The following ZC3H15 variants were observed in gnomAD, a reference collection of about 807,000 sequenced individuals.
The protein encoded by ZC3H15 is zinc finger CCCH domain-containing protein 15.
ZC3H15 carries 15 observed loss-of-function variants against 51.2 expected under a neutral mutation model. That is an observed-to-expected ratio of 0.29 (90% CI 0.20 to 0.45). The LOEUF is 0.45. Among genes scored for constraint, ZC3H15 ranks in the 20% least tolerant of loss-of-function variants. The pLI is 1.00. For synonymous variants in ZC3H15, 144 were observed against 162.8 expected (o/e 0.88, Z 0.88); for missense variants, 381 against 494.7 (o/e 0.77, Z 2.18).
At chr2:186,500,397 C>A in intron 3 of ZC3H15, 104 bp downstream of exon 3, 1 of 1,010,240 alleles carries the variant, frequency 9.9e-7, no homozygotes, top group Non-Finnish European at 1.5e-6. Flanking sequence ...ACAGTTATGT[C>A]TGAATGAAAA....
chr2:186,501,049 A>G (rs1685374495), intron 3 of ZC3H15, among the ~76,000 whole-genome samples: 1 of 152,098 alleles, frequency 6.6e-6, no homozygotes, highest in South Asian at 2.1e-4. Context: ...TTGGTTTCCC[A>G]CTCTCTGCCA....
At chr2:186,501,849 C>G (rs1685390301) in intron 4 of ZC3H15, among the ~76,000 whole-genome samples, 1 of 151,832 alleles carries the variant, frequency 6.6e-6, no homozygotes, top group Admixed American at 6.6e-5. Context: ...GTAGCTGGGT[C>G]TACAGGGTCG....
chr2:186,500,476 G>T lies in ZC3H15; in HGVS notation c.289+183G>T, dbSNP rs16827929. On this transcript the variant is annotated intron_variant, in intron 3 of 9. Transcript: ENST00000337859. Reference sequence around the variant, plus strand: ...TTCCTCTGTATATGTTCACATCTGTGTCATTGTACAGCTGAACTGCAGCCA... The same window carrying T: ...TTCCTCTGTATATGTTCACATCTGTTTCATTGTACAGCTGAACTGCAGCCA... Among the ~76,000 whole-genome samples, 554 of 152,230 alleles carry T rather than the reference G, an allele frequency of 3.6e-3. 2 individuals carry two copies. The highest frequency in any genetic ancestry group is 0.013 in the African/African-American group (524 of 41,534).
chr2:186,501,465 A>G (rs758345102), intron 4 of ZC3H15, 40 bp downstream of exon 4: 30 of 1,554,430 alleles, frequency 1.9e-5, no homozygotes, highest in Non-Finnish European at 2.5e-5. Flanking sequence ...ATAAATGTTG[A>G]ATACTTTCGG....
chr2:186,491,459 G>T (rs1166976741), intron 1 of ZC3H15, among the ~76,000 whole-genome samples: 1 of 152,116 alleles, frequency 6.6e-6, no homozygotes, highest in Non-Finnish European at 1.5e-5. Context: ...TTACTAACCT[G>T]GCAAGTAACT....
In ZC3H15 at chr2:186,505,742, C is replaced by G. The variant is rs376539999; in HGVS notation, c.867C>G (p.Ile289Met). Residue 289 changes from isoleucine to methionine, a missense_variant and splice_region_variant, in exon 8 of 10, where the codon ATC (isoleucine) becomes ATG (methionine). Ile to Met is a conservative substitution (Grantham distance 10). Coordinates refer to ENST00000337859, the MANE Select transcript of ZC3H15 (RefSeq NM_018471.3). ...GATATATTTGTGTGTCTCAATAGAT[C>G]AGTGGTCGTGAAGTGTTTGAATTTC... The part of the protein sequence containing the change: ...ADFKAGKALV[I>M]SGREVFEFRP... 1.2e-5 allele frequency: 20 copies of G among 1,613,800 alleles called. No individual in the cohort carries two copies. Among genetic ancestry groups the G allele is most frequent in the Non-Finnish European group, 1.6e-5 (19 of 1,179,918 alleles).
At chr2:186,500,950 G>T (rs1432903878) in intron 3 of ZC3H15, among the ~76,000 whole-genome samples, 1 of 152,138 alleles carries the variant, frequency 6.6e-6, no homozygotes, top group African/African-American at 2.4e-5. Context: ...TGGAATTACA[G>T]GTGTGAGCCA....
intron 9 of ZC3H15, 111 bp downstream of exon 9, chr2:186,506,947 T>G (rs181021920): frequency 8.3e-7 from 1 of 1,198,110 alleles, no homozygotes; most frequent in South Asian, 1.7e-5. Flanking sequence ...GTAACATAAA[T>G]GTGTGGTTTG....
intron 6 of ZC3H15, chr2:186,504,989 T>C (rs1301701415): frequency 1.3e-5 from 2 of 152,674 alleles, no homozygotes; most frequent in African/African-American, 4.8e-5. Flanking sequence ...GTAAAGCATT[T>C]AATACCTGGC....
At chr2:186,490,190 G>A (rs376868464) in intron 1 of ZC3H15, among the ~76,000 whole-genome samples, 15 of 152,154 alleles carry the variant, frequency 9.9e-5, no homozygotes, top group African/African-American at 3.6e-4. Flanking sequence ...ATGTCAAACA[G>A]GATTATGGTT....
At chr2:186,498,290 T>G (rs1685316111) in intron 2 of ZC3H15, among the ~76,000 whole-genome samples, 1 of 152,222 alleles carries the variant, frequency 6.6e-6, no homozygotes, top group Non-Finnish European at 1.5e-5. Flanking sequence ...CTTGTGTTGC[T>G]GCCATGCTTC....
At chr2:186,502,691 C>G (rs1369285075) in intron 5 of ZC3H15, 104 bp downstream of exon 5, 1 of 950,710 alleles carries the variant, frequency 1.1e-6, no homozygotes, top group Non-Finnish European at 1.5e-6. Flanking sequence ...CTGTAAGTTA[C>G]TGGAAAATTT....
intron 2 of ZC3H15, 120 bp downstream of exon 2, chr2:186,495,454 G>C (rs1352810497): frequency 1.4e-6 from 1 of 722,978 alleles, no homozygotes; most frequent in African/African-American, 1.9e-5. Flanking sequence ...TACTTGAAAT[G>C]TTTTTGCACC....
chr2:186,501,483 CT>C, intron 4 of ZC3H15, 58 bp downstream of exon 4: 1 of 1,391,682 alleles, frequency 7.2e-7, no homozygotes, highest in Non-Finnish European at 9.8e-7. Flanking sequence ...CGGTTTGCTA[CT>C]AAGATATTTA....
At chr2:186,500,157 C>A (rs780271711) in intron 2 of ZC3H15, 25 bp from the exon 3 acceptor site, 4 of 1,571,330 alleles carry the variant, frequency 2.5e-6, no homozygotes, top group Non-Finnish European at 3.4e-6. Context: ...ATCAAATTTA[C>A]ATTTTAAACC....
Position 186,486,356 on chromosome 2 carries a change from G to T in ZC3H15, c.-27G>T. 1 of 1,526,868 alleles carries T rather than the reference G, an allele frequency of 6.5e-7. No homozygotes were observed. The highest frequency in any genetic ancestry group is 1.2e-5 in the South Asian group (1 of 81,120). 94.6% of individuals were successfully genotyped at this position (1,526,868 alleles called of 1,614,324 possible). On this transcript the variant is annotated 5_prime_UTR_variant, in exon 1 of 10. Transcript: ENST00000337859. Reference sequence around the variant, plus strand: ...CCTGACGGTATTCAGCTGCGCGTAAGTCTGGCCGGTGCCATCTGTCTCCGC... The same window carrying T: ...CCTGACGGTATTCAGCTGCGCGTAATTCTGGCCGGTGCCATCTGTCTCCGC...
In ZC3H15 at chr2:186,508,612, A is replaced by G; in HGVS notation, c.1160A>G (p.Asn387Ser). 2 of 1,614,050 alleles carry G rather than the reference A, an allele frequency of 1.2e-6. No individual in the cohort carries two copies. The highest frequency in any genetic ancestry group is 1.7e-6 in the Non-Finnish European group (2 of 1,179,968). ...GAAAGAAGTGACTTGGAAGAGGACAACGAGAGGGAGGGAACGGAAAATGGA... is the reference window on the plus strand; with the variant it reads ...GAAAGAAGTGACTTGGAAGAGGACAGCGAGAGGGAGGGAACGGAAAATGGA... ...NGERSDLEED[N>S]EREGTENGAI... is the part of the protein sequence containing the mutation. Residue 387 changes from asparagine (N) to serine (S), a missense_variant, in exon 10 of 10, where the codon AAC becomes AGC. Physicochemically the swap from Asn to Ser is conservative, Grantham distance 46. Transcript: ENST00000337859.
chr2:186,501,468 A>G (rs1458066652), intron 4 of ZC3H15, 43 bp downstream of exon 4: 4 of 1,537,910 alleles, frequency 2.6e-6, no homozygotes. Flanking sequence ...AATGTTGAAT[A>G]CTTTCGGTTT....
chr2:186,495,227 A>G lies in ZC3H15; in HGVS notation c.76-6A>G. On this transcript the variant is annotated splice_polypyrimidine_tract_variant and splice_region_variant and intron_variant, in intron 1 of 9. Transcript: ENST00000337859. ...CTAAGATATTTCTGTGCTCTTTCTC[A>G]TGTAGGACAAAACTTTCGGTTTGAA... 6.5e-7 allele frequency: 1 copy of G among 1,536,066 alleles called. No individual in the cohort carries two copies. Among genetic ancestry groups the G allele is most frequent in the African/African-American group, 1.4e-5 (1 of 70,636 alleles).
Sources: gnomAD v4.1 joint callset for allele counts (sites outside exome capture counted in the v4.1 genomes callset) on GRCh38, gnomAD v4.1.1 for gene constraint, MANE v1.5 for transcripts, NCBI Gene and HGNC (gene_info 2026-07-23, HGNC 2026-07-21) for gene names.